EPHX2: variants seen among roughly 807,000 people sequenced by gnomAD.
EPHX2 encodes bifunctional epoxide hydrolase 2.
A neutral mutation model predicts 78.7 loss-of-function variants in EPHX2; 74 were observed. The ratio of observed to expected loss-of-function variants is 0.94; its 90% CI spans 0.78 to 1.14. The LOEUF (loss-of-function observed/expected upper bound fraction) is 1.14. Among genes scored for constraint, EPHX2 ranks in the 50% most tolerant of loss-of-function variants. The probability of loss-of-function intolerance (pLI) is 0.00; values close to 1 mark genes in which losing one functional copy is unlikely to be tolerated. For missense variants in EPHX2, 715 were observed against 702.5 expected, an observed-to-expected ratio of 1.02 and a Z score of -0.20; for synonymous variants, 251 against 255.2, an observed-to-expected ratio of 0.98 and a Z score of 0.16.
At chr8:27,494,397 G>C (rs1400326053) in intron 1 of EPHX2, among the ~76,000 whole-genome samples, 1 of 152,210 alleles carries the variant, frequency 6.6e-6, no homozygotes, top group Non-Finnish European at 1.5e-5. Context: ...AGTTACCATG[G>C]CTTTAAAAGC....
At chr8:27,533,131 A>ATAC (rs2132784006) in intron 12 of EPHX2, among the ~76,000 whole-genome samples, 1 of 152,290 alleles carries the variant, frequency 6.6e-6, no homozygotes, top group Non-Finnish European at 1.5e-5. Context: ...AATAATAATA[A>ATAC]TAATGGAGAT....
intron 12 of EPHX2, among the ~76,000 whole-genome samples, chr8:27,533,795 G>A (rs1256361439): frequency 1.3e-5 from 2 of 152,022 alleles, no homozygotes; most frequent in African/African-American, 4.8e-5. Context: ...CTCTACTGTT[G>A]TTCAGGCTGG....
chr8:27,547,695 T>C (rs1465234122), downstream of EPHX2, among the ~76,000 whole-genome samples: 2 of 152,138 alleles, frequency 1.3e-5, no homozygotes, highest in African/African-American at 4.8e-5. Context: ...AATCCCTCCC[T>C]ATCCCCCACC....
At chr8:27,536,641 A>C in intron 12 of EPHX2, 143 bp from the exon 13 acceptor site, 1 of 776,172 alleles carries the variant, frequency 1.3e-6, no homozygotes, top group South Asian at 1.7e-5. Flanking sequence ...TTTATGATGA[A>C]AATTCAAATG....
In EPHX2 at chr8:27,506,932, A is replaced by G; in HGVS notation, c.598A>G (p.Thr200Ala). Reference protein sequence around the residue: ...LKPARDLGMVTILVQDTDTAL... With the variant: ...LKPARDLGMVAILVQDTDTAL... ...GCCAGCCCGTGACTTGGGAATGGTC[A>G]CCATCCTGGTCCAGGACACTGACAC... is the stretch of plus-strand genomic sequence containing the variant. The change falls in exon 5 of 19, where the codon ACC becomes GCC. Residue 200 changes from threonine to alanine, a missense_variant. Thr to Ala is a moderately conservative substitution (Grantham distance 58). Transcript: ENST00000521400. The G allele has an allele frequency of 6.2e-7, 1 of 1,614,124 alleles. No homozygotes were observed. Among genetic ancestry groups the G allele is most frequent in the Non-Finnish European group, 8.5e-7 (1 of 1,180,024 alleles).
intron 16 of EPHX2, 112 bp downstream of exon 16, chr8:27,541,654 C>A: frequency 9.2e-7 from 1 of 1,082,670 alleles, no homozygotes; most frequent in East Asian, 2.5e-5. Flanking sequence ...GACAGATCTG[C>A]TGGCCACCTC....
rs564851091 is a variant in EPHX2 at position 27,504,231 on chromosome 8, C to G, written c.346+468C>G. On this transcript the variant is annotated intron_variant, in intron 3 of 18. Transcript: ENST00000521400. ...GTTGACTTGGTGTGAACACCTGACT[C>G]TTGTCATAGGCATATTGAAACTATT... Among the ~76,000 whole-genome samples the G allele has an allele frequency of 2.0e-5, 3 of 150,440 alleles. 1 individual carries two copies. The South Asian group carries it at 6.2e-4, about 31-fold the overall frequency.
intron 14 of EPHX2, chr8:27,539,028 GGTGGA>G: frequency 3.9e-6 from 1 of 258,472 alleles, no homozygotes; most frequent in Non-Finnish European, 7.5e-6. Context: ...CGTGTATGCA[GGTGGA>G]GTGGAGTGGG....
chr8:27,540,420 G>A (rs1815359664), intron 14 of EPHX2, 134 bp from the exon 15 acceptor site: 2 of 693,108 alleles, frequency 2.9e-6, no homozygotes, highest in Middle Eastern at 8.2e-4. Flanking sequence ...CAAAGGATAA[G>A]GGAACAAAAG....
rs556848995 is a variant in EPHX2 at position 27,522,357 on chromosome 8, C to T, written c.973-66C>T. On this transcript the variant is annotated intron_variant, in intron 10 of 18. Transcript: ENST00000521400. Reference sequence around the variant, plus strand: ...TGGTGTCGAGGGGCTGGCTGATGGCCGAACCTCTCAGCACCCCGTTCCAGA... The same window carrying T: ...TGGTGTCGAGGGGCTGGCTGATGGCTGAACCTCTCAGCACCCCGTTCCAGA... 1,774 of 1,536,734 alleles carry T rather than the reference C, an allele frequency of 1.2e-3. 2 individuals are homozygous for T. The highest frequency in any genetic ancestry group is 3.6e-3 in the Admixed American group (207 of 58,228).
Position 27,525,444 on chromosome 8 carries a change from T to C in EPHX2, c.1141T>C (p.Phe381Leu). Reference sequence around the variant, plus strand: ...GGAGAGTATCAAAGCCAACCCAGTATTTGATTACCAGCTCTACTTCCAAGA... The same window carrying C: ...GGAGAGTATCAAAGCCAACCCAGTACTTGATTACCAGCTCTACTTCCAAGA... ...PLESIKANPV[F>L]DYQLYFQEPG... The change falls in exon 12 of 19, where the codon TTT becomes CTT. Residue 381 changes from phenylalanine to leucine, a missense_variant. By Grantham distance (22) the Phe-to-Leu change is conservative. Coordinates refer to ENST00000521400, the MANE Select transcript of EPHX2 (RefSeq NM_001979.6). 5 of 1,614,160 alleles carry C rather than the reference T, an allele frequency of 3.1e-6. No homozygotes were observed. The highest frequency in any genetic ancestry group is 4.2e-6 in the Non-Finnish European group (5 of 1,180,024).
rs1307038029 is a variant in EPHX2 at position 27,491,247 on chromosome 8, G to A, written c.39G>A (p.Val13=). 1 of 1,584,994 alleles carries A rather than the reference G, an allele frequency of 6.3e-7. No homozygotes were observed. The highest frequency in any genetic ancestry group is 8.5e-7 in the Non-Finnish European group (1 of 1,174,370). Residue 13 remains valine, a synonymous_variant, in exon 1 of 19, where the codon GTG becomes GTA. Coordinates refer to ENST00000521400, the MANE Select transcript of EPHX2 (RefSeq NM_001979.6). ...CGGCCGTCTTCGACCTTGACGGGGT[G>A]CTGGCGCTGCCAGCGGTGTTCGGCG... ...LRAAVFDLDG[V]LALPAVFGVL... is the part of the protein sequence containing the mutation.
intron 5 of EPHX2, among the ~76,000 whole-genome samples, chr8:27,511,228 C>T (rs145131776): frequency 8.7e-4 from 132 of 152,330 alleles, no homozygotes; most frequent in African/African-American, 2.9e-3. Flanking sequence ...TGATTTTGGC[C>T]GACTTGAAGG....
intron 15 of EPHX2, 135 bp from the exon 16 acceptor site, chr8:27,541,338 C>A: frequency 1.1e-6 from 1 of 885,634 alleles, no homozygotes; most frequent in Non-Finnish European, 1.8e-6. Context: ...GGGTCCTGGG[C>A]TCTATTCTCT....
intron 13 of EPHX2, among the ~76,000 whole-genome samples, chr8:27,537,103 A>G (rs1227444284): frequency 5.9e-5 from 9 of 152,188 alleles, no homozygotes. Flanking sequence ...TAACATGCAT[A>G]ATTGGCTTAC....
downstream of EPHX2, among the ~76,000 whole-genome samples, chr8:27,547,696 A>G (rs1231519831): frequency 2.0e-5 from 3 of 152,018 alleles, no homozygotes; most frequent in African/African-American, 4.8e-5. Context: ...ATCCCTCCCT[A>G]TCCCCCACCT....
At position 27,503,775 on chromosome 8, in the gene EPHX2, A is replaced by G; in HGVS notation, c.346+12A>G. ...GCTCAGGAAGAAAGGTAAGGATCTGATACTGGCCAATCTCAGGCCGAACCA... is the reference window on the plus strand; with the variant it reads ...GCTCAGGAAGAAAGGTAAGGATCTGGTACTGGCCAATCTCAGGCCGAACCA... On this transcript the variant is annotated intron_variant, in intron 3 of 18. Transcript: ENST00000521400. The G allele has an allele frequency of 1.2e-6, 2 of 1,606,888 alleles. No individual in the cohort carries two copies. The highest frequency in any genetic ancestry group is 1.1e-5 in the South Asian group (1 of 91,004).
intron 5 of EPHX2, among the ~76,000 whole-genome samples, chr8:27,508,767 C>T (rs748490653): frequency 1.1e-4 from 16 of 151,786 alleles, no homozygotes; most frequent in African/African-American, 2.2e-4. Context: ...TGTGTGTGTG[C>T]GCGCACGCAC....
intron 8 of EPHX2, 103 bp from the exon 9 acceptor site, chr8:27,517,935 T>G: frequency 1.2e-6 from 1 of 842,712 alleles, no homozygotes; most frequent in Non-Finnish European, 1.9e-6. Context: ...GTTTTTGTTG[T>G]TGTTGTTTGG....
Sources: allele counts gnomAD v4.1 joint callset (sites outside exome capture counted in the v4.1 genomes callset), GRCh38; gene constraint gnomAD v4.1.1; transcripts MANE v1.5; gene names NCBI Gene and HGNC (gene_info 2026-07-23, HGNC 2026-07-21).